The following DCDC2C variants were observed in gnomAD, a reference collection of about 807,000 sequenced individuals.
DCDC2C encodes doublecortin domain-containing protein 2C.
DCDC2C carries 44 observed loss-of-function variants against 45.0 expected under a neutral mutation model. The ratio of observed to expected loss-of-function variants is 0.98; its 90% CI spans 0.77 to 1.26. DCDC2C has a LOEUF of 1.26. Ranked by LOEUF, DCDC2C falls within the 50% of genes most tolerant of loss-of-function variation. DCDC2C has a pLI of 0.00. For synonymous variants in DCDC2C, 187 were observed against 178.8 expected (o/e 1.05, Z -0.37); for missense variants, 447 against 468.9 (o/e 0.95, Z 0.43).
chr2:3,787,836 A>G (rs1460408838), intron 10 of DCDC2C, among the ~76,000 whole-genome samples: 1 of 152,234 alleles, frequency 6.6e-6, no homozygotes, highest in Non-Finnish European at 1.5e-5. Flanking sequence ...TTGTCAAATA[A>G]TAGAAAATTC....
At chr2:3,773,135 G>T (rs989857105) in intron 8 of DCDC2C, among the ~76,000 whole-genome samples, 19 of 152,172 alleles carry the variant, frequency 1.2e-4, no homozygotes, top group Admixed American at 1.1e-3. Flanking sequence ...TGCAATGGGA[G>T]CAAGAGGGAC....
intron 6 of DCDC2C, among the ~76,000 whole-genome samples, chr2:3,756,193 C>T (rs936013004): frequency 3.3e-5 from 5 of 152,098 alleles, no homozygotes; most frequent in Non-Finnish European, 7.4e-5. Context: ...AAGCTGGGTC[C>T]TAGAGGGGCT....
At chr2:3,793,357 C>T (rs989585597) in intron 10 of DCDC2C, among the ~76,000 whole-genome samples, 1 of 152,210 alleles carries the variant, frequency 6.6e-6, no homozygotes, top group African/African-American at 2.4e-5. Flanking sequence ...TTCAGTGCCG[C>T]CTTCTGCATC....
At chr2:3,712,071 G>T (rs1668225249) in intron 2 of DCDC2C, among the ~76,000 whole-genome samples, 1 of 152,134 alleles carries the variant, frequency 6.6e-6, no homozygotes, top group African/African-American at 2.4e-5. Context: ...CATTTGCCTG[G>T]ACACATGTCA....
chr2:3,746,359 C>T (rs1437778896), intron 4 of DCDC2C, among the ~76,000 whole-genome samples: 1 of 152,064 alleles, frequency 6.6e-6, no homozygotes, highest in Non-Finnish European at 1.5e-5. Flanking sequence ...TAGGCCAGGC[C>T]CTGGCCAGGG....
intron 2 of DCDC2C, among the ~76,000 whole-genome samples, chr2:3,724,455 C>T (rs1359504969): frequency 6.6e-6 from 1 of 152,162 alleles, no homozygotes; most frequent in Admixed American, 6.5e-5. Context: ...GGACAGAAGA[C>T]CCAGAGTAAC....
chr2:3,752,895 C>A lies in DCDC2C; in HGVS notation c.678C>A (p.Val226=). Residue 226 remains valine, a synonymous_variant, in exon 5 of 11, where the codon GTC becomes GTA. Transcript: ENST00000399143. ...YWKSPRVPSE[V]QQRYANVEKN... is the part of the protein sequence containing the mutation. ...AGTCTCCAAGGGTGCCCAGTGAGGTCCAACAGTGAGCATGCTTCGTACCTT... is the reference window on the plus strand; with the variant it reads ...AGTCTCCAAGGGTGCCCAGTGAGGTACAACAGTGAGCATGCTTCGTACCTT... 6.4e-7 allele frequency: 1 copy of A among 1,550,454 alleles called. No homozygotes were observed. Among genetic ancestry groups the A allele is most frequent in the Middle Eastern group, 1.7e-4 (1 of 5,992 alleles).
rs541672960 is a variant in DCDC2C at position 3,718,165 on chromosome 2, T to G, written c.340-8838T>G. ...CCATCAGAGGTGGGTCCTCTATGAA[T>G]AGGTCTTGAATAAATGAATGAAGCA... On this transcript the variant is annotated intron_variant, in intron 2 of 10. Coordinates refer to ENST00000399143, the MANE Select transcript of DCDC2C (RefSeq NM_001287444.2). Among the ~76,000 whole-genome samples the G allele has an allele frequency of 2.7e-3, 418 of 152,274 alleles. 2 individuals carry two copies. Among genetic ancestry groups the G allele is most frequent in the Non-Finnish European group, 4.3e-3 (292 of 68,014 alleles).
intron 10 of DCDC2C, among the ~76,000 whole-genome samples, chr2:3,806,935 G>A (rs76602055): frequency 4.6e-5 from 7 of 152,116 alleles, no homozygotes; most frequent in African/African-American, 1.2e-4. Context: ...GAGGTGTTGC[G>A]ACGGAGTCCT....
chr2:3,847,012 T>TA, intron 10 of DCDC2C, 142 bp from the exon 11 acceptor site: 2 of 343,818 alleles, frequency 5.8e-6, no homozygotes, highest in Non-Finnish European at 5.1e-6. Flanking sequence ...AGGTCCCAGG[T>TA]CCCACCCCAC....
chr2:3,723,146 G>C (rs1668542777), intron 2 of DCDC2C, among the ~76,000 whole-genome samples: 1 of 152,064 alleles, frequency 6.6e-6, no homozygotes, highest in Non-Finnish European at 1.5e-5. Context: ...TTATTCGTTT[G>C]TCTTCATGAA....
chr2:3,809,727 C>T (rs1251601962), intron 10 of DCDC2C, among the ~76,000 whole-genome samples: 3 of 151,860 alleles, frequency 2.0e-5, no homozygotes, highest in Non-Finnish European at 4.4e-5. Flanking sequence ...GACTTGTTCT[C>T]TAAGCTCCCT....
At chr2:3,795,561 G>A (rs1341290334) in intron 10 of DCDC2C, among the ~76,000 whole-genome samples, 1 of 119,216 alleles carries the variant, frequency 8.4e-6, no homozygotes, top group Non-Finnish European at 1.7e-5. Context: ...GTGAGGAAGG[G>A]ATCCAGTTTC....
intron 1 of DCDC2C, 125 bp from the exon 2 acceptor site, chr2:3,708,424 C>A: frequency 1.5e-6 from 1 of 645,942 alleles, no homozygotes. Flanking sequence ...AATTTTAGAT[C>A]CTAGTTCCAA....
At chr2:3,714,707 T>G (rs2148051316) in intron 2 of DCDC2C, among the ~76,000 whole-genome samples, 1 of 152,334 alleles carries the variant, frequency 6.6e-6, no homozygotes, top group South Asian at 2.1e-4. Flanking sequence ...TTTAACAAAG[T>G]GTTTTACATG....
chr2:3,799,650 G>T (rs1484036117), intron 10 of DCDC2C, among the ~76,000 whole-genome samples: 1 of 152,256 alleles, frequency 6.6e-6, no homozygotes, highest in Non-Finnish European at 1.5e-5. Flanking sequence ...GTCTGCCCCT[G>T]CTGGGGGGTG....
At chr2:3,780,680 C>T (rs1670486068) in intron 9 of DCDC2C, among the ~76,000 whole-genome samples, 3 of 152,196 alleles carry the variant, frequency 2.0e-5, no homozygotes, top group Non-Finnish European at 4.4e-5. Flanking sequence ...CGAGCTTCAC[C>T]GTGCACCAGG....
At chr2:3,844,938 G>A (rs1014935268) in intron 10 of DCDC2C, among the ~76,000 whole-genome samples, 6 of 125,514 alleles carry the variant, frequency 4.8e-5, no homozygotes, top group African/African-American at 1.3e-4. Context: ...TTTTAAAAGC[G>A]AATTAAGGCA....
In DCDC2C at chr2:3,734,599, AG is replaced by A. The variant is rs2148091536; in HGVS notation, c.417-7318del. ...GTTCTCATTAAGCAGTGGGGTCTGT[AG>A]GGTCTGAACGGGATGAGGAATGTGT... On this transcript the variant is annotated intron_variant, in intron 3 of 10. Coordinates refer to ENST00000399143, the MANE Select transcript of DCDC2C (RefSeq NM_001287444.2). The surrounding 1 kb of genome is among the most constrained non-coding windows in gnomAD (Gnocchi z 4.2). Among the ~76,000 whole-genome samples the A allele has an allele frequency of 6.6e-6, 1 of 152,320 alleles. No homozygotes were observed. Among genetic ancestry groups the A allele is most frequent in the South Asian group, 2.1e-4 (1 of 4,830 alleles).
Sources: allele counts gnomAD v4.1 joint callset (sites outside exome capture counted in the v4.1 genomes callset), GRCh38; gene constraint gnomAD v4.1.1; non-coding constraint Gnocchi (gnomAD v3.1); transcripts MANE v1.5; gene names NCBI Gene and HGNC (gene_info 2026-07-23, HGNC 2026-07-21).